TRPM3: variants seen among roughly 807,000 people sequenced by gnomAD.
TRPM3 encodes long transient receptor potential channel 3.
Under a neutral mutation model 181.2 loss-of-function variants are expected in TRPM3, and 77 were observed. That is an observed-to-expected ratio of 0.42 (90% CI 0.35 to 0.51). TRPM3 has a LOEUF of 0.51. Among genes scored for constraint, TRPM3 ranks in the 20% least tolerant of loss-of-function variants. The pLI is 0.01. For synonymous variants in TRPM3, 745 were observed against 796.4 expected (o/e 0.94, Z 1.09); for missense variants, 1,759 against 2,196.7 (o/e 0.80, Z 3.98).
intron 1 of TRPM3, among the ~76,000 whole-genome samples, chr9:71,156,420 C>CACACACACACA (rs778160040): frequency 1.4e-5 from 2 of 140,528 alleles, no homozygotes; most frequent in African/African-American, 2.9e-5. Context: ...CACACACACA[C>CACACACACACA]AAGGCTTATC....
At chr9:70,792,627 A>G (rs2085759506) in intron 6 of TRPM3, among the ~76,000 whole-genome samples, 1 of 148,644 alleles carries the variant, frequency 6.7e-6, no homozygotes, top group Admixed American at 6.8e-5. Flanking sequence ...AAAGGGAGAC[A>G]GGAGAGAGAG....
intron 9 of TRPM3, among the ~76,000 whole-genome samples, chr9:70,666,198 G>A (rs1314499449): frequency 6.6e-6 from 1 of 152,198 alleles, no homozygotes; most frequent in Non-Finnish European, 1.5e-5. Context: ...GTGACATGAC[G>A]GCAGTTCCAG....
chr9:71,096,588 A>ACACACACTCT, intron 1 of TRPM3, among the ~76,000 whole-genome samples: 1 of 96,946 alleles, frequency 1.0e-5, no homozygotes, highest in South Asian at 4.1e-4. Context: ...ACACACACAC[A>ACACACACTCT]CACTCTCTCT....
At chr9:71,239,683 C>T (rs1470802935) in intron 1 of TRPM3, among the ~76,000 whole-genome samples, 1 of 152,000 alleles carries the variant, frequency 6.6e-6, no homozygotes, top group Non-Finnish European at 1.5e-5. Context: ...TGCAATATAC[C>T]ATTTAAATTG....
chr9:71,011,560 C>CT (rs779365305), intron 1 of TRPM3, among the ~76,000 whole-genome samples: 2 of 151,812 alleles, frequency 1.3e-5, no homozygotes, highest in Non-Finnish European at 2.9e-5. Context: ...TTAAGAAGTT[C>CT]TTTATTAGGA....
At chr9:71,322,851 C>T (rs1020100336) in intron 1 of TRPM3, among the ~76,000 whole-genome samples, 1 of 151,894 alleles carries the variant, frequency 6.6e-6, no homozygotes, top group Admixed American at 6.6e-5. Context: ...TAAAGGCAAA[C>T]CATAAATTAA....
chr9:71,083,702 GTAT>G (rs1326071124), intron 1 of TRPM3, among the ~76,000 whole-genome samples: 3 of 129,274 alleles, frequency 2.3e-5, no homozygotes, highest in African/African-American at 5.9e-5. Context: ...TCCCCAAAAT[GTAT>G]TATTATGTAC....
intron 1 of TRPM3, among the ~76,000 whole-genome samples, chr9:70,893,929 C>T (rs892769572): frequency 3.3e-5 from 5 of 152,252 alleles, no homozygotes; most frequent in East Asian, 1.9e-4. Context: ...GAGGTAAGCA[C>T]AAATTTCTTC....
intron 22 of TRPM3, among the ~76,000 whole-genome samples, chr9:70,565,590 GC>G (rs1222071508): frequency 6.9e-6 from 1 of 144,036 alleles, no homozygotes; most frequent in Non-Finnish European, 1.5e-5. Context: ...ACTGTGCCCA[GC>G]CTAGATTTAT....
chr9:71,157,419 G>T (rs2076062617), intron 1 of TRPM3, among the ~76,000 whole-genome samples: 1 of 152,024 alleles, frequency 6.6e-6, no homozygotes, highest in Non-Finnish European at 1.5e-5. Context: ...AAATATGTTA[G>T]TTTCTATATA....
chr9:71,279,516 T>G (rs920011374), intron 1 of TRPM3, among the ~76,000 whole-genome samples: 2 of 152,216 alleles, frequency 1.3e-5, no homozygotes, highest in East Asian at 3.9e-4. Context: ...CATGCACATG[T>G]GTTTGTGGCA....
intron 1 of TRPM3, among the ~76,000 whole-genome samples, chr9:71,044,501 A>G (rs974885059): frequency 1.3e-5 from 2 of 152,128 alleles, no homozygotes; most frequent in African/African-American, 4.8e-5. Flanking sequence ...CTTTCTAGTT[A>G]TTTCTACTAA....
At chr9:71,321,003 C>A (rs1220382276) in intron 1 of TRPM3, among the ~76,000 whole-genome samples, 1 of 152,074 alleles carries the variant, frequency 6.6e-6, no homozygotes, top group Non-Finnish European at 1.5e-5. Context: ...ACTCTCTAAG[C>A]ACAGTCTCTT....
At chr9:71,141,981 A>C (rs926961644) in intron 1 of TRPM3, among the ~76,000 whole-genome samples, 4 of 152,328 alleles carry the variant, frequency 2.6e-5, no homozygotes, top group African/African-American at 9.6e-5. Flanking sequence ...GACTTTGTCC[A>C]AAACACCGGT....
At chr9:71,040,225 G>A (rs752199976) in intron 1 of TRPM3, among the ~76,000 whole-genome samples, 21 of 152,164 alleles carry the variant, frequency 1.4e-4, no homozygotes, top group Non-Finnish European at 2.2e-4. Context: ...AGAGCTCCTA[G>A]CAGCTAGAGC....
At chr9:71,141,537 C>T (rs1017045347) in intron 1 of TRPM3, among the ~76,000 whole-genome samples, 1 of 152,040 alleles carries the variant, frequency 6.6e-6, no homozygotes, top group Non-Finnish European at 1.5e-5. Flanking sequence ...CCAAAATATT[C>T]CTTTGTCTAT....
chr9:70,606,190 C>A (rs1367667961), intron 19 of TRPM3, among the ~76,000 whole-genome samples: 1 of 152,110 alleles, frequency 6.6e-6, no homozygotes, highest in East Asian at 1.9e-4. Context: ...GACTGGGGAT[C>A]TATATATCTA....
intron 9 of TRPM3, among the ~76,000 whole-genome samples, chr9:70,641,709 T>A (rs1245809861): frequency 1.3e-5 from 2 of 152,138 alleles, no homozygotes; most frequent in African/African-American, 4.8e-5. Flanking sequence ...AAAGCACAGA[T>A]ACAGAACATT....
intron 1 of TRPM3, among the ~76,000 whole-genome samples, chr9:71,023,454 T>C (rs1440323609): frequency 6.6e-6 from 1 of 152,112 alleles, no homozygotes. Flanking sequence ...CATCAGCTAT[T>C]ATATAGACTA....
Sources: allele counts gnomAD v4.1 joint callset (sites outside exome capture counted in the v4.1 genomes callset), GRCh38; gene constraint gnomAD v4.1.1; transcripts MANE v1.5; gene names NCBI Gene and HGNC (gene_info 2026-07-23, HGNC 2026-07-21).